PTBP3: variants seen among roughly 807,000 people sequenced by gnomAD.
The protein encoded by PTBP3 is polypyrimidine tract-binding protein 3.
In PTBP3, 20 loss-of-function variants were observed where a neutral mutation model predicts 58.7. The ratio of observed to expected loss-of-function variants is 0.34; its 90% CI spans 0.24 to 0.50. PTBP3 has a LOEUF of 0.50. PTBP3 is among the 20% of genes least tolerant of loss of function. The pLI is 0.98. For missense variants in PTBP3, 509 were observed against 637.2 expected (o/e 0.80, Z 2.17); for synonymous variants, 185 against 219.8 (o/e 0.84, Z 1.40).
chr9:112,336,399 C>CT (rs1174178656), upstream of PTBP3, among the ~76,000 whole-genome samples: 1 of 151,776 alleles, frequency 6.6e-6, no homozygotes, highest in Non-Finnish European at 1.5e-5. Context: ...TATATAAAGC[C>CT]TTTATAGCCT....
intron 2 of PTBP3, among the ~76,000 whole-genome samples, chr9:112,280,444 A>G (rs1827807124): frequency 6.6e-6 from 1 of 152,182 alleles, no homozygotes; most frequent in Non-Finnish European, 1.5e-5. Flanking sequence ...CAATAAGACT[A>G]GGCATCCTTG....
At chr9:112,305,781 A>C (rs938954989) in intron 1 of PTBP3, among the ~76,000 whole-genome samples, 2 of 152,082 alleles carry the variant, frequency 1.3e-5, no homozygotes, top group South Asian at 2.1e-4. Flanking sequence ...TCTACCAAAA[A>C]TACAAAAAAT....
At position 112,285,698 on chromosome 9, in the gene PTBP3, T is replaced by G. The variant is rs533995209; in HGVS notation, c.35-9685A>C. Among the ~76,000 whole-genome samples, 10 of 152,326 alleles carry G rather than the reference T, an allele frequency of 6.6e-5. No individual in the cohort carries two copies. The South Asian group carries it at 2.1e-3, about 32-fold the overall frequency. On this transcript the variant is annotated intron_variant, in intron 2 of 13. Transcript: ENST00000374257. ...CAATTTTATGTATAGACACAGAAATTTGAATTTCATGAAAGTTTCGTGTGC... is the reference window on the plus strand; with the variant it reads ...CAATTTTATGTATAGACACAGAAATGTGAATTTCATGAAAGTTTCGTGTGC...
At chr9:112,248,811 G>T (rs984637022) in intron 7 of PTBP3, among the ~76,000 whole-genome samples, 2 of 152,114 alleles carry the variant, frequency 1.3e-5, no homozygotes, top group South Asian at 2.1e-4. Context: ...TTGTCCAGCA[G>T]GAAAGAATGT....
intron 1 of PTBP3, among the ~76,000 whole-genome samples, chr9:112,325,011 C>T (rs1830099992): frequency 6.6e-6 from 1 of 152,198 alleles, no homozygotes; most frequent in Non-Finnish European, 1.5e-5. Flanking sequence ...TTGAATGAAA[C>T]ATACATATAC....
chr9:112,275,695 C>T, intron 3 of PTBP3, 149 bp downstream of exon 3: 1 of 618,748 alleles, frequency 1.6e-6, no homozygotes, highest in East Asian at 3.1e-5. Context: ...CTTCCTGTTA[C>T]ACCCCCCCAA....
chr9:112,306,308 A>C (rs922679420), intron 1 of PTBP3, among the ~76,000 whole-genome samples: 1 of 151,840 alleles, frequency 6.6e-6, no homozygotes, highest in Non-Finnish European at 1.5e-5. Context: ...GGGACCACAG[A>C]TGCACACCAC....
intron 7 of PTBP3, among the ~76,000 whole-genome samples, chr9:112,236,714 G>A (rs1002629192): frequency 3.3e-5 from 5 of 152,126 alleles, no homozygotes; most frequent in Non-Finnish European, 5.9e-5. Flanking sequence ...ATCATGTCAT[G>A]TTTTTCCCAA....
intron 3 of PTBP3, among the ~76,000 whole-genome samples, chr9:112,269,447 A>C (rs1827274412): frequency 6.6e-6 from 1 of 152,332 alleles, no homozygotes; most frequent in East Asian, 1.9e-4. Flanking sequence ...TTAATAGAGC[A>C]TTCACTTTTC....
intron 1 of PTBP3, among the ~76,000 whole-genome samples, chr9:112,331,792 A>T (rs7046468): frequency 0.85 from 129,209 of 152,222 alleles, 55,261 homozygotes; most frequent in African/African-American, 0.95. Context: ...AAGGGAGAGT[A>T]AACTTCTTAA....
chr9:112,231,583 A>G (rs564727886), intron 9 of PTBP3, among the ~76,000 whole-genome samples, 170 bp from the exon 10 acceptor site: 2 of 152,236 alleles, frequency 1.3e-5, no homozygotes, highest in East Asian at 3.9e-4. Flanking sequence ...AAACTTAAGC[A>G]TTTTAATTTG....
At chr9:112,235,050 A>G (rs1835388887) in intron 7 of PTBP3, among the ~76,000 whole-genome samples, 153 bp from the exon 8 acceptor site, 1 of 152,204 alleles carries the variant, frequency 6.6e-6, no homozygotes, top group South Asian at 2.1e-4. Flanking sequence ...AACGTATAAA[A>G]AGAGCCTCTG....
At chr9:112,363,516 T>TCACACACA in the PTBP3 span, among the ~76,000 whole-genome samples, 3,713 of 134,776 alleles carry the variant, frequency 0.028, 149 homozygotes, top group African/African-American at 0.081. Context: ...AGCAAAACTG[T>TCACACACA]CACACACACA....
intron 2 of PTBP3, among the ~76,000 whole-genome samples, chr9:112,295,332 T>C (rs1049254046): frequency 6.6e-6 from 1 of 151,514 alleles, no homozygotes; most frequent in Non-Finnish European, 1.5e-5. Context: ...GACAATGTTA[T>C]CAGGCTCTAG....
At chr9:112,268,762 ATTTTATGCAG>A (rs917727676) in intron 3 of PTBP3, among the ~76,000 whole-genome samples, 3 of 150,654 alleles carry the variant, frequency 2.0e-5, no homozygotes, top group African/African-American at 7.3e-5. Flanking sequence ...TGATTAAGGG[ATTTTATGCAG>A]TTTTCGGTTT....
intron 3 of PTBP3, among the ~76,000 whole-genome samples, chr9:112,269,923 T>C (rs938126338): frequency 1.3e-5 from 2 of 149,116 alleles, no homozygotes; most frequent in Non-Finnish European, 3.0e-5. Context: ...GTTAATTAAG[T>C]GGCAATTTTC....
At chr9:112,255,645 C>A (rs1464616871) in intron 5 of PTBP3, among the ~76,000 whole-genome samples, 3 of 152,150 alleles carry the variant, frequency 2.0e-5, no homozygotes, top group Non-Finnish European at 4.4e-5. Context: ...CAAGCTCCTT[C>A]ATATAACATA....
At chr9:112,286,592 C>T (rs1828128714) in intron 2 of PTBP3, among the ~76,000 whole-genome samples, 1 of 152,068 alleles carries the variant, frequency 6.6e-6, no homozygotes, top group Non-Finnish European at 1.5e-5. Context: ...TCAAGCTATC[C>T]TTTGTGGTAC....
intron 8 of PTBP3, among the ~76,000 whole-genome samples, chr9:112,233,665 C>T (rs1016404410): frequency 2.0e-5 from 3 of 152,072 alleles, no homozygotes; most frequent in Non-Finnish European, 4.4e-5. Context: ...GGTGCAGTGG[C>T]TCACCCTTTA....
Sources: gnomAD v4.1 joint callset for allele counts (sites outside exome capture counted in the v4.1 genomes callset) on GRCh38, gnomAD v4.1.1 for gene constraint, MANE v1.5 for transcripts, NCBI Gene and HGNC (gene_info 2026-07-23, HGNC 2026-07-21) for gene names.